The following CEACAM20 variants were observed in gnomAD, a reference collection of about 807,000 sequenced individuals.
CEACAM20 encodes the protein CEA cell adhesion molecule 20.
In CEACAM20, 50 loss-of-function variants were observed where a neutral mutation model predicts 61.2. The ratio of observed to expected loss-of-function variants is 0.82; its 90% confidence interval spans 0.65 to 1.03. The LOEUF (loss-of-function observed/expected upper bound fraction) is 1.03. CEACAM20 is among the 50% of genes least tolerant of loss of function. The pLI is 0.00. For missense variants in CEACAM20, 683 were observed against 736.4 expected (o/e 0.93, Z 0.84); for synonymous variants, 282 against 287.7 (o/e 0.98, Z 0.20).
chr19:44,515,428 A>G (rs1971127789), intron 6 of CEACAM20, among the ~76,000 whole-genome samples: 2 of 152,096 alleles, frequency 1.3e-5, no homozygotes, highest in Admixed American at 1.3e-4. Context: ...CTGAAGATTA[A>G]ATGAGGTAAT....
At chr19:44,520,797 C>T in intron 4 of CEACAM20, 45 bp from the exon 5 acceptor site, 2 of 1,579,894 alleles carry the variant, frequency 1.3e-6, no homozygotes, top group East Asian at 2.2e-5. Context: ...GGAGATTTCC[C>T]TCATCTCCTG....
chr19:44,524,425 G>T (rs1175758010), intron 2 of CEACAM20, among the ~76,000 whole-genome samples, 164 bp from the exon 3 acceptor site: 1 of 152,112 alleles, frequency 6.6e-6, no homozygotes, highest in Non-Finnish European at 1.5e-5. Context: ...GCTCATTCTT[G>T]GTGTCATCTT....
chr19:44,528,948 C>CT, intron 1 of CEACAM20, among the ~76,000 whole-genome samples: 1 of 121,914 alleles, frequency 8.2e-6, no homozygotes, highest in Non-Finnish European at 1.6e-5. Context: ...GTATTTCTCT[C>CT]TTTCTTTCTT....
At position 44,513,176 on chromosome 19, in the gene CEACAM20, T is replaced by A. The variant is rs770959812; in HGVS notation, c.1423A>T (p.Arg475Ter). The change falls in exon 7 of 12, where the codon AGA (arginine) becomes TGA (stop). Residue 475 changes from arginine to a stop codon, truncating the protein, a stop_gained. Transcript: ENST00000614924. LOFTEE classifies it high-confidence loss of function. ...CTCCCTGTATCCCTGTGTTACCGTCTGGCATTTCTGATGCAGAGAAAATAG... is the reference window on the plus strand; with the variant it reads ...CTCCCTGTATCCCTGTGTTACCGTCAGGCATTTCTGATGCAGAGAAAATAG... Reference protein sequence around the residue: ...LGYFLCIRNARRPSRKTTEDP... With the variant: ...LGYFLCIRNA 1 of 1,610,178 alleles carries A rather than the reference T, an allele frequency of 6.2e-7. No individual in the cohort carries two copies. The highest frequency in any genetic ancestry group is 8.5e-7 in the Non-Finnish European group (1 of 1,176,756).
chr19:44,506,345 C>T, intron 11 of CEACAM20, 131 bp from the exon 12 acceptor site: 1 of 712,268 alleles, frequency 1.4e-6, no homozygotes, highest in South Asian at 1.8e-5. Flanking sequence ...CCTCCATTCT[C>T]ATCACACTTT....
chr19:44,508,742 T>C (rs1970888309), intron 11 of CEACAM20, among the ~76,000 whole-genome samples: 2 of 152,224 alleles, frequency 1.3e-5, no homozygotes, highest in African/African-American at 4.8e-5. Flanking sequence ...TGTTTTATTG[T>C]TACCAGGAAG....
chr19:44,522,642 C>T lies in CEACAM20; in HGVS notation c.743G>A (p.Arg248Gln), dbSNP rs749173684. ...CGGGAAAGGAGACTCACCAAGTACT[C>T]GGACCTTCAGAGTACCCAGGCTGGA... ...HLSSLGTLKV[R>Q]VLETLTMPQV... The change falls in exon 4 of 12, where the codon CGA (arginine) becomes CAA (glutamine). Residue 248 changes from arginine to glutamine, a missense_variant. Transcript: ENST00000614924. The T allele has an allele frequency of 6.8e-6, 11 of 1,612,584 alleles. No individual in the cohort carries two copies. The highest frequency in any genetic ancestry group is 4.0e-5 in the African/African-American group (3 of 74,888).
intron 5 of CEACAM20, among the ~76,000 whole-genome samples, chr19:44,519,228 C>T (rs914550901): frequency 2.0e-5 from 3 of 152,148 alleles, no homozygotes; most frequent in African/African-American, 4.8e-5. Flanking sequence ...CTTTGTCCCC[C>T]GGGGTCCCAT....
intron 9 of CEACAM20, among the ~76,000 whole-genome samples, 162 bp from the exon 10 acceptor site, chr19:44,511,834 A>G (rs937091764): frequency 1.3e-5 from 2 of 152,158 alleles, no homozygotes; most frequent in Non-Finnish European, 2.9e-5. Flanking sequence ...GAAGACGAGG[A>G]GAAGAGATGA....
intron 9 of CEACAM20, 30 bp from the exon 10 acceptor site, chr19:44,511,702 A>G (rs763079512): frequency 1.2e-6 from 2 of 1,609,940 alleles, no homozygotes; most frequent in South Asian, 2.2e-5. Flanking sequence ...CAGAGAGGTC[A>G]TAGGGCTTGG....
intron 1 of CEACAM20, 104 bp downstream of exon 1, chr19:44,529,354 G>GCA (rs71940010): frequency 0.043 from 28,234 of 657,320 alleles, 271 homozygotes; most frequent in South Asian, 0.07. Context: ...TTCCTCGAGT[G>GCA]CACACACACA....
Position 44,529,519 on chromosome 19 carries a change from C to A in CEACAM20, c.-10G>T. On this transcript the variant is annotated 5_prime_UTR_variant, in exon 1 of 12. Transcript: ENST00000614924. ...AGTCAGCAGGCCCCATGGGTCCCGG[C>A]ACCTGACTTCAGTGTGCCAGGCCGT... The A allele has an allele frequency of 6.2e-7, 1 of 1,613,732 alleles. No homozygotes were observed. Among genetic ancestry groups the A allele is most frequent in the South Asian group, 1.1e-5 (1 of 91,052 alleles).
At chr19:44,527,514 G>T (rs571574695) in intron 1 of CEACAM20, among the ~76,000 whole-genome samples, 13 of 152,300 alleles carry the variant, frequency 8.5e-5, no homozygotes, top group Non-Finnish European at 1.9e-4. Flanking sequence ...TAAGTGAAAT[G>T]ATGTAAGCAA....
rs1265466956 is a variant in CEACAM20 at position 44,512,904 on chromosome 19, T to C, written c.1477A>G (p.Ile493Val). 2 of 1,613,854 alleles carry C rather than the reference T, an allele frequency of 1.2e-6. No individual in the cohort carries two copies. The highest frequency in any genetic ancestry group is 1.7e-6 in the Non-Finnish European group (2 of 1,179,840). Residue 493 changes from isoleucine (I) to valine (V), a missense_variant, in exon 8 of 12, where the codon ATC (isoleucine) becomes GTC (valine). Coordinates refer to ENST00000614924, the MANE Select transcript of CEACAM20 (RefSeq NM_001102597.3). ...TCTGTGGGGTGCTCCTCCTTCGGGATGGGTTGTGAGGTCTCATGACTGGGG... is the reference window on the plus strand; with the variant it reads ...TCTGTGGGGTGCTCCTCCTTCGGGACGGGTTGTGAGGTCTCATGACTGGGG... The part of the protein sequence containing the change: ...EDPSHETSQP[I>V]PKEEHPTEPS...
At chr19:44,523,063 A>T (rs1971418567) in intron 3 of CEACAM20, among the ~76,000 whole-genome samples, 151 bp from the exon 4 acceptor site, 2 of 152,180 alleles carry the variant, frequency 1.3e-5, no homozygotes, top group Non-Finnish European at 2.9e-5. Context: ...TCAGATGGAG[A>T]TGAAATGTCA....
chr19:44,518,328 G>T (rs531028181), intron 5 of CEACAM20, among the ~76,000 whole-genome samples: 1 of 152,014 alleles, frequency 6.6e-6, no homozygotes, highest in African/African-American at 2.4e-5. Context: ...TATTCTCAAT[G>T]GTATAAACAC....
Position 44,524,605 on chromosome 19 carries a change from G to C in CEACAM20, c.197-344C>G, listed in dbSNP as rs138599166. On this transcript the variant is annotated intron_variant, in intron 2 of 11. Transcript: ENST00000614924. ...CCACTCTTTTTCTTTATTGAAACAG[G>C]GTTTCATTCTGTCACCCAGGCTGGA... 4.1e-3 allele frequency among the ~76,000 whole-genome samples: 629 copies of C among 151,718 alleles called. 3 individuals are homozygous for C. The highest frequency in any genetic ancestry group is 0.015 in the African/African-American group (606 of 41,358).
intron 3 of CEACAM20, 96 bp from the exon 4 acceptor site, chr19:44,523,008 C>G: frequency 9.4e-7 from 1 of 1,059,402 alleles, no homozygotes; most frequent in Non-Finnish European, 1.4e-6. Flanking sequence ...TTATTTCCCT[C>G]CTCCCCACTC....
intron 1 of CEACAM20, 117 bp downstream of exon 1, chr19:44,529,340 CT>C: frequency 2.1e-6 from 2 of 933,128 alleles, no homozygotes; most frequent in Non-Finnish European, 3.3e-6. Flanking sequence ...GCCTCCATCT[CT>C]TTTTCCTCGA....
Sources: allele counts gnomAD v4.1 joint callset (sites outside exome capture counted in the v4.1 genomes callset), GRCh38; gene constraint gnomAD v4.1.1; transcripts MANE v1.5; gene names NCBI Gene and HGNC (gene_info 2026-07-23, HGNC 2026-07-21).